The following CFAP20DC variants were observed in gnomAD, a reference collection of about 807,000 sequenced individuals.
CFAP20DC encodes the protein CFAP20 domain containing, also known as protein CFAP20DC.
CFAP20DC carries 84 observed loss-of-function variants against 101.7 expected under a neutral mutation model. That is an observed-to-expected ratio of 0.83 (90% CI 0.69 to 0.99). The LOEUF is 0.99. Ranked by LOEUF, CFAP20DC falls within the 50% of genes least tolerant of loss-of-function variation. The pLI is 0.00. For synonymous variants in CFAP20DC, 359 were observed against 351.2 expected, an observed-to-expected ratio of 1.02 and a Z score of -0.25; for missense variants, 1,007 against 970.3, an observed-to-expected ratio of 1.04 and a Z score of -0.50.
intron 4 of CFAP20DC, among the ~76,000 whole-genome samples, chr3:58,966,659 G>A (rs2091564418): frequency 6.6e-6 from 1 of 151,396 alleles, no homozygotes; most frequent in South Asian, 2.1e-4. Flanking sequence ...GAGTAGCTGG[G>A]ATCACAGGTG....
chr3:58,834,314 G>A (rs1414944306), intron 13 of CFAP20DC, among the ~76,000 whole-genome samples: 4 of 152,116 alleles, frequency 2.6e-5, no homozygotes, highest in South Asian at 2.1e-4. Context: ...TCAGTTTTTC[G>A]GTCAAGAAGT....
intron 4 of CFAP20DC, among the ~76,000 whole-genome samples, chr3:58,987,917 T>G (rs1381359873): frequency 6.6e-6 from 1 of 152,016 alleles, no homozygotes; most frequent in Non-Finnish European, 1.5e-5. Context: ...CAATACAGAT[T>G]GTTTGAGATA....
At chr3:58,781,475 C>G (rs1320511772) in intron 15 of CFAP20DC, among the ~76,000 whole-genome samples, 2 of 151,410 alleles carry the variant, frequency 1.3e-5, no homozygotes, top group Admixed American at 6.6e-5. Context: ...GAACTGGATG[C>G]TAAAAAATAA....
intron 4 of CFAP20DC, among the ~76,000 whole-genome samples, chr3:58,968,089 A>C (rs573979806): frequency 1.3e-5 from 2 of 152,166 alleles, no homozygotes; most frequent in Admixed American, 1.3e-4. Flanking sequence ...TATGTACCAC[A>C]TTTTCTTCAT....
chr3:58,761,300 T>C (rs1223659241), intron 15 of CFAP20DC, among the ~76,000 whole-genome samples: 1 of 152,222 alleles, frequency 6.6e-6, no homozygotes, highest in Non-Finnish European at 1.5e-5. Flanking sequence ...CCATTTCTTC[T>C]AGATTTTCTA....
At chr3:58,757,400 A>G (rs894704716) in intron 15 of CFAP20DC, among the ~76,000 whole-genome samples, 19 of 152,034 alleles carry the variant, frequency 1.2e-4, no homozygotes, top group Admixed American at 1.0e-3. Flanking sequence ...ATATATATGC[A>G]TGTGCCATAT....
At chr3:58,890,776 C>T (rs1435949618) in intron 6 of CFAP20DC, among the ~76,000 whole-genome samples, 4 of 150,306 alleles carry the variant, frequency 2.7e-5, no homozygotes, top group African/African-American at 9.9e-5. Flanking sequence ...GCGCTCCTCA[C>T]ATCCCAGATG....
intron 3 of CFAP20DC, among the ~76,000 whole-genome samples, chr3:58,735,344 T>A (rs910788224): frequency 2.6e-5 from 4 of 152,168 alleles, no homozygotes; most frequent in Non-Finnish European, 5.9e-5. Flanking sequence ...ACAAAATAGG[T>A]CATGTTTTCC....
chr3:58,946,040 T>C (rs2089309565), intron 4 of CFAP20DC, among the ~76,000 whole-genome samples: 1 of 151,666 alleles, frequency 6.6e-6, no homozygotes, highest in Non-Finnish European at 1.5e-5. Flanking sequence ...TTTCCTTTGG[T>C]TTCTTACAGT....
intron 14 of CFAP20DC, among the ~76,000 whole-genome samples, chr3:58,826,232 GATTT>G (rs1451032498): frequency 1.3e-5 from 2 of 152,096 alleles, no homozygotes; most frequent in Admixed American, 1.3e-4. Context: ...CATCACTCAG[GATTT>G]ATTTAAGCAA....
At chr3:58,731,435 A>G (rs2067644223) in intron 3 of CFAP20DC, among the ~76,000 whole-genome samples, 1 of 152,202 alleles carries the variant, frequency 6.6e-6, no homozygotes, top group African/African-American at 2.4e-5. Flanking sequence ...GAACAAGTGG[A>G]GGGCTGATTA....
intron 4 of CFAP20DC, among the ~76,000 whole-genome samples, chr3:59,019,828 C>T (rs2093767239): frequency 1.3e-5 from 2 of 152,008 alleles, no homozygotes; most frequent in African/African-American, 4.8e-5. Flanking sequence ...CTGCAAGATC[C>T]CTTCAGGAAC....
chr3:58,953,661 TGA>T (rs750990799), intron 4 of CFAP20DC: 27 of 152,184 alleles, frequency 1.8e-4, no homozygotes, highest in African/African-American at 2.4e-4. Flanking sequence ...TAGTCATTCA[TGA>T]GAGAGAGAAT....
rs760935090 is a variant in CFAP20DC, at chr3:58,913,795, A to C, written c.463T>G (p.Leu155Val). 53 of 1,613,676 alleles carry C rather than the reference A, an allele frequency of 3.3e-5. No homozygotes were observed. Among genetic ancestry groups the C allele is most frequent in the Non-Finnish European group, 4.4e-5 (52 of 1,179,740 alleles). Residue 155 changes from leucine to valine, a missense_variant, in exon 6 of 17, where the codon TTG (leucine) becomes GTG (valine). By Grantham distance (32) the Leu-to-Val change is conservative (BLOSUM62 1). Coordinates refer to ENST00000482387, the MANE Select transcript of CFAP20DC (RefSeq NM_001394063.1). The surrounding 1 kb of genome is among the most constrained non-coding windows in gnomAD (Gnocchi z 4.4). ...EIFKGAVFQS[L>V]DGIVVSANCK... ...TTAGCTGAGACAACAATTCCATCCAATGACTGGAAAACTGCCCCCTTGAAT... is the reference window on the plus strand; with the variant it reads ...TTAGCTGAGACAACAATTCCATCCACTGACTGGAAAACTGCCCCCTTGAAT...
At chr3:58,762,029 G>A (rs1427164491) in intron 15 of CFAP20DC, among the ~76,000 whole-genome samples, 1 of 152,200 alleles carries the variant, frequency 6.6e-6, no homozygotes, top group Non-Finnish European at 1.5e-5. Flanking sequence ...TTGGGGTGGA[G>A]AGTTCTGTAG....
At chr3:58,764,457 G>A (rs2070061747) in intron 15 of CFAP20DC, among the ~76,000 whole-genome samples, 3 of 152,194 alleles carry the variant, frequency 2.0e-5, no homozygotes, top group Admixed American at 2.0e-4. Flanking sequence ...GACTAGGAAA[G>A]GGAATTCCCT....
chr3:59,018,777 T>C (rs1415316924), intron 4 of CFAP20DC: 2 of 152,150 alleles, frequency 1.3e-5, no homozygotes, highest in African/African-American at 4.8e-5. Flanking sequence ...ATATCATAGA[T>C]AGTAGTACTG....
At chr3:58,827,866 G>C (rs987214282) in intron 14 of CFAP20DC, among the ~76,000 whole-genome samples, 33 of 152,210 alleles carry the variant, frequency 2.2e-4, no homozygotes, top group African/African-American at 8.0e-4. Context: ...AAAAACATAT[G>C]TGTGGAATGA....
intron 13 of CFAP20DC, 134 bp from the exon 14 acceptor site, chr3:58,832,023 G>T: frequency 1.4e-6 from 1 of 695,224 alleles, no homozygotes. Flanking sequence ...GCCTCCATGC[G>T]CTACCTGCCC....
Sources: gnomAD v4.1 joint callset for allele counts (sites outside exome capture counted in the v4.1 genomes callset) on GRCh38, gnomAD v4.1.1 for gene constraint, Gnocchi (gnomAD v3.1) non-coding constraint, MANE v1.5 for transcripts, NCBI Gene and HGNC (gene_info 2026-07-23, HGNC 2026-07-21) for gene names.